Variants in DNAH8 observed in about 807,000 individuals in gnomAD.
DNAH8 encodes the protein axonemal beta dynein heavy chain 8.
A neutral mutation model predicts 562.1 loss-of-function variants in DNAH8; 382 were observed. The ratio of observed to expected loss-of-function variants is 0.68; its 90% CI spans 0.63 to 0.74. The LOEUF (loss-of-function observed/expected upper bound fraction) is 0.74. DNAH8 is among the 30% of genes least tolerant of loss of function. The pLI, the probability that DNAH8 is intolerant of heterozygous loss-of-function variation, is 0.00. For synonymous variants in DNAH8, 1,881 were observed against 1,919.4 expected (o/e 0.98, Z 0.52); for missense variants, 5,203 against 5,620.4 (o/e 0.93, Z 2.37).
rs1781696095 is a variant in DNAH8, at chr6:38,921,408, A to C, written c.10564A>C (p.Asn3522His). The C allele has an allele frequency of 1.2e-6, 2 of 1,613,678 alleles. No homozygotes were observed. The highest frequency in any genetic ancestry group is 1.3e-5 in the African/African-American group (1 of 74,926). ...AKQEGRLAVANAELGKAQALL... is the reference protein window; with the variant it reads ...AKQEGRLAVAHAELGKAQALL... ...GCAGGAAGGCCGGTTAGCAGTTGCT[A>C]ATGCTGAGTTAGGGAAGGCACAAGC... Residue 3522 changes from asparagine to histidine, a missense_variant, in exon 71 of 93, where the codon AAT (asparagine) becomes CAT (histidine). Transcript: ENST00000327475.
intron 79 of DNAH8, among the ~76,000 whole-genome samples, chr6:38,941,129 A>G: frequency 6.6e-6 from 1 of 152,080 alleles, no homozygotes; most frequent in East Asian, 1.9e-4. Context: ...AGAAAAAAAA[A>G]AAAGGAATCT....
intron 91 of DNAH8, among the ~76,000 whole-genome samples, chr6:39,026,195 T>C (rs1767266446): frequency 6.6e-6 from 1 of 152,258 alleles, no homozygotes; most frequent in African/African-American, 2.4e-5. Context: ...CATTCCGATC[T>C]TATTCCTCAA....
chr6:38,762,564 G>A (rs1359888111), intron 11 of DNAH8, among the ~76,000 whole-genome samples: 2 of 152,144 alleles, frequency 1.3e-5, no homozygotes, highest in African/African-American at 4.8e-5. Context: ...CTGTGTTTTG[G>A]CATCAATGTC....
At position 39,012,265 on chromosome 6, in the gene DNAH8, T is replaced by A; in HGVS notation, c.13422T>A (p.Phe4474Leu). 6.2e-7 allele frequency: 1 copy of A among 1,612,510 alleles called. No individual in the cohort carries two copies. The highest frequency in any genetic ancestry group is 8.5e-7 in the Non-Finnish European group (1 of 1,178,728). ...GCCATCTTAATTCAATGAACATATT[T>A]CTTAGACAAGAAATTGACAGAATGC... ...KMGHLNSMNI[F>L]LRQEIDRMQR... Residue 4474 changes from phenylalanine (F) to leucine (L), a missense_variant, in exon 90 of 93, where the codon TTT becomes TTA. Transcript: ENST00000327475.
intron 41 of DNAH8, among the ~76,000 whole-genome samples, chr6:38,856,631 T>A (rs1776219785): frequency 6.6e-6 from 1 of 152,206 alleles, no homozygotes; most frequent in African/African-American, 2.4e-5. Context: ...GGTGCTTTCA[T>A]TTATCTTTAG....
intron 21 of DNAH8, among the ~76,000 whole-genome samples, chr6:38,797,891 G>T (rs1770427464): frequency 6.6e-6 from 1 of 151,956 alleles, no homozygotes; most frequent in African/African-American, 2.4e-5. Flanking sequence ...CTCTTAGTCG[G>T]TGTCTCCATC....
chr6:38,764,206 G>T, intron 11 of DNAH8: 1 of 153,836 alleles, frequency 6.5e-6, no homozygotes, highest in South Asian at 2.1e-4. Context: ...TTAGAACAGA[G>T]AAAGAGGAAG....
intron 76 of DNAH8, among the ~76,000 whole-genome samples, chr6:38,933,351 C>T (rs773326895): frequency 3.9e-5 from 6 of 152,162 alleles, no homozygotes; most frequent in Admixed American, 6.5e-5. Flanking sequence ...ATTTAATATG[C>T]AGGAGGGTAT....
chr6:38,976,533 CTTG>C (rs1445986534), intron 85 of DNAH8, among the ~76,000 whole-genome samples: 7 of 152,258 alleles, frequency 4.6e-5, no homozygotes, highest in Admixed American at 3.3e-4. Context: ...TCTTCAGAGA[CTTG>C]TTGTCTTGGG....
chr6:38,929,027 A>G (rs1347727535), intron 74 of DNAH8, among the ~76,000 whole-genome samples: 1 of 152,220 alleles, frequency 6.6e-6, no homozygotes, highest in Non-Finnish European at 1.5e-5. Flanking sequence ...CAGTGCCAAT[A>G]GGAGACAGAA....
Position 38,866,853 on chromosome 6 carries a change from T to A in DNAH8, c.6670T>A (p.Cys2224Ser). The A allele has an allele frequency of 6.2e-7, 1 of 1,609,848 alleles. No individual in the cohort carries two copies. The highest frequency in any genetic ancestry group is 8.5e-7 in the Non-Finnish European group (1 of 1,176,818). The change falls in exon 47 of 93, where the codon TGT (cysteine) becomes AGT (serine). Residue 2224 changes from cysteine (C) to serine (S), a missense_variant. Cys to Ser is a moderately radical substitution (Grantham distance 112). Around this residue, in one of 6 missense-constraint regions of DNAH8, gnomAD observed 2,176 missense variants for 2,365.1 expected, o/e 0.92. Coordinates refer to ENST00000327475, the MANE Select transcript of DNAH8 (RefSeq NM_001206927.2). Reference sequence around the variant, plus strand: ...AAAATTTTACGTTCTTTACAAACTCTGTGAAGAGCAACTTACTAAACAGGT... The same window carrying A: ...AAAATTTTACGTTCTTTACAAACTCAGTGAAGAGCAACTTACTAAACAGGT... ...AQKFYVLYKL[C>S]EEQLTKQVHY...
intron 82 of DNAH8, among the ~76,000 whole-genome samples, chr6:38,962,146 A>G (rs189271092): frequency 3.3e-5 from 5 of 152,246 alleles, no homozygotes; most frequent in African/African-American, 9.6e-5. Flanking sequence ...AAAAGTAGTT[A>G]GAATAAATGG....
intron 3 of DNAH8, among the ~76,000 whole-genome samples, chr6:38,723,706 T>C (rs541969715): frequency 6.6e-6 from 1 of 151,956 alleles, no homozygotes; most frequent in Non-Finnish European, 1.5e-5. Context: ...AAAACTCCTG[T>C]CTCTGCAAAA....
chr6:38,873,070 G>A lies in DNAH8; in HGVS notation c.7402G>A (p.Ala2468Thr), dbSNP rs1777594594. ...GTTTGAAGTCCACAATATCGAGAAC[G>A]CCTCTCCTGCCACGGTTTCTAGGAT... ...LLFEVHNIENASPATVSRMGM... is the reference protein window; with the variant it reads ...LLFEVHNIENTSPATVSRMGM... The change falls in exon 51 of 93, where the codon GCC (alanine) becomes ACC (threonine). Residue 2468 changes from alanine to threonine, a missense_variant. Coordinates refer to ENST00000327475, the MANE Select transcript of DNAH8 (RefSeq NM_001206927.2). 2 of 1,614,048 alleles carry A rather than the reference G, an allele frequency of 1.2e-6. No homozygotes were observed. The highest frequency in any genetic ancestry group is 1.7e-6 in the Non-Finnish European group (2 of 1,179,980).
chr6:38,955,108 C>T (rs776762800), intron 82 of DNAH8, among the ~76,000 whole-genome samples: 10 of 152,128 alleles, frequency 6.6e-5, no homozygotes, highest in African/African-American at 1.9e-4. Flanking sequence ...GCTGGGACTA[C>T]AGGCACACAC....
intron 58 of DNAH8, among the ~76,000 whole-genome samples, chr6:38,893,314 G>A (rs1030756505): frequency 6.6e-6 from 1 of 152,092 alleles, no homozygotes; most frequent in Non-Finnish European, 1.5e-5. Context: ...ACTTTATATA[G>A]CTTTAAGGCA....
chr6:38,902,954 C>T (rs1358078204), intron 62 of DNAH8, among the ~76,000 whole-genome samples: 1 of 152,174 alleles, frequency 6.6e-6, no homozygotes, highest in Admixed American at 6.5e-5. Flanking sequence ...GCCCTATACA[C>T]GAGTAGCATT....
At position 39,026,655 on chromosome 6, in the gene DNAH8, G is replaced by C. The variant is rs776969419; in HGVS notation, c.13824G>C (p.Thr4608=). ...EVLRQTKEEI[T]SPPGEGVYIY... ...TGAGACAGACCAAGGAGGAGATCACGTCACCCCCTGGGGTAGGCGTTGCTG... is the reference window on the plus strand; with the variant it reads ...TGAGACAGACCAAGGAGGAGATCACCTCACCCCCTGGGGTAGGCGTTGCTG... Residue 4608 remains threonine, a synonymous_variant, in exon 92 of 93, where the codon ACG becomes ACC. Coordinates refer to ENST00000327475, the MANE Select transcript of DNAH8 (RefSeq NM_001206927.2). The C allele has an allele frequency of 6.2e-7, 1 of 1,613,274 alleles. No individual in the cohort carries two copies. Among genetic ancestry groups the C allele is most frequent in the Non-Finnish European group, 8.5e-7 (1 of 1,179,906 alleles).
At chr6:38,879,620 A>G (rs1396505408) in intron 53 of DNAH8, among the ~76,000 whole-genome samples, 1 of 152,198 alleles carries the variant, frequency 6.6e-6, no homozygotes, top group Non-Finnish European at 1.5e-5. Flanking sequence ...GTAAACAACT[A>G]AATACTTCCT....
Sources: gnomAD v4.1 joint callset for allele counts (sites outside exome capture counted in the v4.1 genomes callset) on GRCh38, gnomAD v4.1.1 for gene constraint, gnomAD v4.1.1 regional missense constraint, MANE v1.5 for transcripts, NCBI Gene and HGNC (gene_info 2026-07-23, HGNC 2026-07-21) for gene names.